TNFRSF19: variants seen among roughly 807,000 people sequenced by gnomAD.
The protein encoded by TNFRSF19 is tumor necrosis factor receptor superfamily member 19.
A neutral mutation model predicts 46.4 loss-of-function variants in TNFRSF19; 27 were observed. That is an observed-to-expected ratio of 0.58 (90% CI 0.43 to 0.80). TNFRSF19 has a LOEUF of 0.80. Among genes scored for constraint, TNFRSF19 ranks in the 30% least tolerant of loss-of-function variants. The pLI is 0.00. For synonymous variants in TNFRSF19, 204 were observed against 205.0 expected (o/e 1.00, Z 0.04); for missense variants, 511 against 530.8 (o/e 0.96, Z 0.37).
At chr13:23,621,672 A>T (rs1213201654) in intron 4 of TNFRSF19, among the ~76,000 whole-genome samples, 1 of 152,056 alleles carries the variant, frequency 6.6e-6, no homozygotes, top group Non-Finnish European at 1.5e-5. Flanking sequence ...TGCTATTTGG[A>T]TTCAGTTCAG....
In TNFRSF19 at chr13:23,668,702, C is replaced by T. The variant is rs749345593; in HGVS notation, c.850C>T (p.Pro284Ser). The T allele has an allele frequency of 2.5e-6, 4 of 1,612,672 alleles. No individual in the cohort carries two copies. Among genetic ancestry groups the T allele is most frequent in the Non-Finnish European group, 2.5e-6 (3 of 1,179,316 alleles). Residue 284 changes from proline to serine, a missense_variant, in exon 9 of 10, where the codon CCA becomes TCA. By Grantham distance (74) the Pro-to-Ser change is moderately conservative. Around this residue, in one of 3 missense-constraint regions of TNFRSF19, gnomAD observed 376 missense variants for 372.7 expected, o/e 1.01. Coordinates refer to ENST00000248484, the MANE Select transcript of TNFRSF19 (RefSeq NM_148957.4). ...TGAACGTGTGTGCAGAAACGCAGGC[C>T]CAGCCGGGGAGATGGTGCCGACTTT... ...AASLQARNAG[P>S]AGEMVPTFFG... is the part of the protein sequence containing the mutation.
At chr13:23,629,625 G>A (rs967966625) in intron 5 of TNFRSF19, among the ~76,000 whole-genome samples, 3 of 152,190 alleles carry the variant, frequency 2.0e-5, no homozygotes, top group African/African-American at 7.2e-5. Flanking sequence ...TCTTGGCTGC[G>A]CTTTGTACTG....
intron 4 of TNFRSF19, among the ~76,000 whole-genome samples, chr13:23,625,326 CTT>C (rs67965421): frequency 2.8e-5 from 3 of 107,326 alleles, no homozygotes; most frequent in Admixed American, 2.2e-4. Context: ...TGATTGTATT[CTT>C]TTTTTTTTTT....
intron 7 of TNFRSF19, among the ~76,000 whole-genome samples, chr13:23,662,701 G>A (rs183931598): frequency 6.6e-6 from 1 of 152,186 alleles, no homozygotes; most frequent in Non-Finnish European, 1.5e-5. Context: ...TCTCTGATTT[G>A]TTTGAGCAGT....
At chr13:23,665,615 C>G (rs1951616800) in intron 7 of TNFRSF19, among the ~76,000 whole-genome samples, 1 of 152,120 alleles carries the variant, frequency 6.6e-6, no homozygotes, top group African/African-American at 2.4e-5. Context: ...TTTATCCCCT[C>G]TCTCTCGTGT....
intron 2 of TNFRSF19, among the ~76,000 whole-genome samples, chr13:23,591,445 T>A (rs567311712): frequency 2.6e-5 from 4 of 152,068 alleles, no homozygotes; most frequent in Non-Finnish European, 5.9e-5. Flanking sequence ...AGAGTGAGAC[T>A]TTGTCTCAGA....
intron 3 of TNFRSF19, among the ~76,000 whole-genome samples, chr13:23,596,293 T>G (rs1251697270): frequency 6.6e-6 from 1 of 151,902 alleles, no homozygotes; most frequent in Non-Finnish European, 1.5e-5. Flanking sequence ...AATACACCAA[T>G]TAGACTGGCA....
intron 3 of TNFRSF19, among the ~76,000 whole-genome samples, chr13:23,602,414 C>G (rs9553014): frequency 3.9e-5 from 6 of 151,988 alleles, no homozygotes; most frequent in African/African-American, 1.4e-4. Flanking sequence ...AAATCCACTA[C>G]TGTAGTTGGA....
chr13:23,578,661 G>T (rs1878138095), intron 1 of TNFRSF19, among the ~76,000 whole-genome samples: 2 of 152,232 alleles, frequency 1.3e-5, no homozygotes, highest in Admixed American at 1.3e-4. Flanking sequence ...TGAACGAATA[G>T]AACAATACTG....
In TNFRSF19 at chr13:23,672,802, T is replaced by C. The variant is rs75919062; in HGVS notation, c.1246-570T>C. ...ATGAGGACACGTCTAATGGCTACAC[T>C]TTGCTGAGGATATTCTCCCGATAAG... On this transcript the variant is annotated intron_variant, in intron 9 of 9. Coordinates refer to ENST00000248484, the MANE Select transcript of TNFRSF19 (RefSeq NM_148957.4). Among the ~76,000 whole-genome samples the C allele has an allele frequency of 6.4e-3, 975 of 152,284 alleles. 12 individuals carry two copies. The highest frequency in any genetic ancestry group is 0.022 in the African/African-American group (897 of 41,548).
At chr13:23,588,975 CT>C (rs144931547) in intron 1 of TNFRSF19, among the ~76,000 whole-genome samples, 1,800 of 152,370 alleles carry the variant, frequency 0.012, 20 homozygotes, top group East Asian at 0.022. Context: ...CAGCTCACCC[CT>C]GATAGCCGCT....
intron 7 of TNFRSF19, among the ~76,000 whole-genome samples, chr13:23,660,734 C>T (rs529556418): frequency 6.6e-6 from 1 of 152,116 alleles, no homozygotes; most frequent in East Asian, 1.9e-4. Flanking sequence ...ACTTTTGGGT[C>T]ATGTTTGTCT....
chr13:23,597,909 C>T (rs1418905459), intron 3 of TNFRSF19, among the ~76,000 whole-genome samples: 9 of 152,234 alleles, frequency 5.9e-5, no homozygotes, highest in African/African-American at 1.2e-4. Flanking sequence ...ACAATCAAGT[C>T]GGCTTCATCC....
chr13:23,573,838 G>A (rs1243285487), intron 1 of TNFRSF19, among the ~76,000 whole-genome samples: 3 of 151,986 alleles, frequency 2.0e-5, no homozygotes, highest in Admixed American at 6.6e-5. Flanking sequence ...CGAGGCAGAC[G>A]GATCACGAGG....
intron 1 of TNFRSF19, among the ~76,000 whole-genome samples, chr13:23,572,821 G>C (rs538104568): frequency 5.3e-5 from 8 of 152,326 alleles, no homozygotes; most frequent in African/African-American, 1.9e-4. Context: ...GGCAGATATA[G>C]TCCTATTACT....
intron 4 of TNFRSF19, among the ~76,000 whole-genome samples, chr13:23,621,626 G>A (rs1340246599): frequency 6.6e-6 from 1 of 152,156 alleles, no homozygotes; most frequent in African/African-American, 2.4e-5. Context: ...TTTTAAAATA[G>A]CAGTTTTCAA....
chr13:23,656,069 C>G (rs749607567), intron 5 of TNFRSF19, among the ~76,000 whole-genome samples: 2 of 152,160 alleles, frequency 1.3e-5, no homozygotes, highest in Non-Finnish European at 2.9e-5. Flanking sequence ...CATGAGCACT[C>G]TCTGAGGGTG....
chr13:23,654,514 G>A (rs1284435442), intron 5 of TNFRSF19, among the ~76,000 whole-genome samples: 2 of 152,134 alleles, frequency 1.3e-5, no homozygotes, highest in South Asian at 2.1e-4. Flanking sequence ...GAACTCCTGC[G>A]GAACCAGCTG....
At chr13:23,656,395 A>T (rs1375282942) in intron 5 of TNFRSF19, among the ~76,000 whole-genome samples, 1 of 152,218 alleles carries the variant, frequency 6.6e-6, no homozygotes, top group Non-Finnish European at 1.5e-5. Flanking sequence ...TAAGTTAGAG[A>T]CAGTTCCTTT....
Sources: allele counts gnomAD v4.1 joint callset (sites outside exome capture counted in the v4.1 genomes callset), GRCh38; gene constraint gnomAD v4.1.1; regional missense constraint gnomAD v4.1.1; transcripts MANE v1.5; gene names NCBI Gene and HGNC (gene_info 2026-07-23, HGNC 2026-07-21).